The following SHANK2 variants were observed in gnomAD, a reference collection of about 807,000 sequenced individuals.
SHANK2 encodes the protein SH3 and multiple ankyrin repeat domains protein 2.
A neutral mutation model predicts 133.7 loss-of-function variants in SHANK2; 43 were observed. The observed-to-expected ratio is 0.32, with a 90% CI of 0.25 to 0.41. The LOEUF (loss-of-function observed/expected upper bound fraction) is 0.41. SHANK2 is among the 10% of genes least tolerant of loss of function. SHANK2 has a pLI of 1.00. For missense variants in SHANK2, 1,994 were observed against 2,235.8 expected (o/e 0.89, Z 2.18); for synonymous variants, 1,017 against 952.8 (o/e 1.07, Z -1.24).
chr11:70,774,427 C>T (rs1343376428), intron 14 of SHANK2, among the ~76,000 whole-genome samples: 1 of 152,024 alleles, frequency 6.6e-6, no homozygotes, highest in Non-Finnish European at 1.5e-5. Flanking sequence ...TCAAGCAATT[C>T]TCCTGCCTCC....
At chr11:70,721,239 C>T (rs1304296510) in intron 14 of SHANK2, among the ~76,000 whole-genome samples, 2 of 152,242 alleles carry the variant, frequency 1.3e-5, no homozygotes, top group East Asian at 3.9e-4. Context: ...CGCATCACAC[C>T]TAGTGGGGCT....
chr11:70,940,507 C>CAA (rs1950632592), intron 10 of SHANK2, among the ~76,000 whole-genome samples: 2 of 151,958 alleles, frequency 1.3e-5, no homozygotes, highest in Non-Finnish European at 2.9e-5. Flanking sequence ...CCCACCTTGG[C>CAA]CTCCCAAAGA....
At chr11:70,495,482 GCAGTGGCTGTT>G (rs535520882) in intron 21 of SHANK2, among the ~76,000 whole-genome samples, 59 of 152,340 alleles carry the variant, frequency 3.9e-4, no homozygotes, top group Middle Eastern at 3.4e-3. Flanking sequence ...GGGGCGCTAG[GCAGTGGCTGTT>G]CTTTGCCTCA....
At chr11:70,559,012 T>C (rs1287732257) in intron 17 of SHANK2, among the ~76,000 whole-genome samples, 4 of 152,152 alleles carry the variant, frequency 2.6e-5, no homozygotes, top group African/African-American at 9.6e-5. Flanking sequence ...TTTTCTCATT[T>C]CACAGACGCT....
At chr11:71,110,273 C>T (rs1303475850) in intron 5 of SHANK2, among the ~76,000 whole-genome samples, 1 of 152,240 alleles carries the variant, frequency 6.6e-6, no homozygotes, top group African/African-American at 2.4e-5. Context: ...CCTGTCTCTA[C>T]TAAAAATACA....
At chr11:71,213,785 G>A (rs782397306) in intron 2 of SHANK2, among the ~76,000 whole-genome samples, 1 of 152,140 alleles carries the variant, frequency 6.6e-6, no homozygotes, top group African/African-American at 2.4e-5. Flanking sequence ...TTTCTGATAA[G>A]CAAACTGGAC....
chr11:71,084,938 C>T (rs1951358393), intron 8 of SHANK2, among the ~76,000 whole-genome samples: 1 of 152,056 alleles, frequency 6.6e-6, no homozygotes, highest in South Asian at 2.1e-4. Flanking sequence ...AATGAATGCC[C>T]CCAAATTGCT....
intron 17 of SHANK2, among the ~76,000 whole-genome samples, chr11:70,638,746 C>T (rs2061138955): frequency 1.3e-5 from 2 of 152,148 alleles, no homozygotes; most frequent in Admixed American, 6.6e-5. Context: ...GTGGCTCACA[C>T]CTGTAATCCC....
chr11:70,478,199 G>T (rs1472662003), intron 25 of SHANK2, among the ~76,000 whole-genome samples: 1 of 151,736 alleles, frequency 6.6e-6, no homozygotes, highest in Admixed American at 6.6e-5. Flanking sequence ...TTGGAGACGG[G>T]GTCATGCAGC....
At chr11:70,925,754 T>C (rs1309917073) in intron 10 of SHANK2, among the ~76,000 whole-genome samples, 1 of 152,132 alleles carries the variant, frequency 6.6e-6, no homozygotes, top group Non-Finnish European at 1.5e-5. Flanking sequence ...AACTTCTTAT[T>C]GTCCAGGATG....
At chr11:70,708,058 T>C (rs1565258205) in intron 14 of SHANK2, among the ~76,000 whole-genome samples, 1 of 152,172 alleles carries the variant, frequency 6.6e-6, no homozygotes, top group Admixed American at 6.5e-5. Flanking sequence ...GAGGGAGGCA[T>C]GTGCTTCCAG....
At chr11:71,148,904 C>T (rs1565479754) in intron 2 of SHANK2, among the ~76,000 whole-genome samples, 1 of 152,076 alleles carries the variant, frequency 6.6e-6, no homozygotes, top group Non-Finnish European at 1.5e-5. Flanking sequence ...TGCGTAACGG[C>T]ACAGAAGCAG....
At chr11:70,653,567 C>CAAAAAAAAAAAAA (rs1157982312) in intron 17 of SHANK2, among the ~76,000 whole-genome samples, 1 of 61,758 alleles carries the variant, frequency 1.6e-5, no homozygotes, top group Non-Finnish European at 3.5e-5. Context: ...CTCAGCCTTC[C>CAAAAAAAAAAAAA]AAAAAAAAAA....
intron 14 of SHANK2, among the ~76,000 whole-genome samples, chr11:70,716,256 C>T (rs1945915836): frequency 1.3e-5 from 2 of 152,166 alleles, no homozygotes; most frequent in Non-Finnish European, 2.9e-5. Flanking sequence ...CAACACTGCT[C>T]CCGGCCAGGC....
chr11:70,488,063 C>T (rs549742654), intron 24 of SHANK2, among the ~76,000 whole-genome samples: 36 of 152,302 alleles, frequency 2.4e-4, no homozygotes, highest in South Asian at 2.1e-4. Flanking sequence ...GTGGGCAGCT[C>T]GCCTTGGGGC....
chr11:70,486,398 G>C lies in SHANK2; in HGVS notation c.3895C>G (p.Leu1299Val), dbSNP rs1213078075. 1 of 1,613,848 alleles carries C rather than the reference G, an allele frequency of 6.2e-7. No homozygotes were observed. Among genetic ancestry groups the C allele is most frequent in the Non-Finnish European group, 8.5e-7 (1 of 1,180,034 alleles). The change falls in exon 25 of 26, where the codon CTG (leucine) becomes GTG (valine). Residue 1299 changes from leucine to valine, a missense_variant. By Grantham distance (32) the Leu-to-Val change is conservative. Transcript: ENST00000601538. This position sits in a 1 kb window ranked among gnomAD's most constrained non-coding sequence, Gnocchi z 8.0. ...TGGGACGTGTCCATGATGTCGATCAGCATGTTCTTCTTGTCATCGCCTTTC... is the reference window on the plus strand; with the variant it reads ...TGGGACGTGTCCATGATGTCGATCACCATGTTCTTCTTGTCATCGCCTTTC... The part of the protein sequence containing the change: ...DRKGDDKKNM[L>V]IDIMDTSQQK...
chr11:70,933,178 C>A (rs781893331), intron 10 of SHANK2: 2 of 456,512 alleles, frequency 4.4e-6, no homozygotes, highest in Non-Finnish European at 8.8e-6. Context: ...GAATATTATT[C>A]GGCCATGAAA....
At chr11:71,220,700 C>T (rs769382139) in intron 2 of SHANK2, among the ~76,000 whole-genome samples, 1 of 152,106 alleles carries the variant, frequency 6.6e-6, no homozygotes, top group African/African-American at 2.4e-5. Context: ...TGACCCCACT[C>T]CCATGAGGTT....
At chr11:70,839,938 A>G (rs1253005322) in intron 11 of SHANK2, among the ~76,000 whole-genome samples, 4 of 152,096 alleles carry the variant, frequency 2.6e-5, no homozygotes, top group African/African-American at 4.8e-5. Context: ...CATCAAGAAA[A>G]CCTCAAAGTC....
Sources: gnomAD v4.1 joint callset for allele counts (sites outside exome capture counted in the v4.1 genomes callset) on GRCh38, gnomAD v4.1.1 for gene constraint, Gnocchi (gnomAD v3.1) non-coding constraint, MANE v1.5 for transcripts, NCBI Gene and HGNC (gene_info 2026-07-23, HGNC 2026-07-21) for gene names.